The following BIRC6 variants were observed in gnomAD, a reference collection of about 807,000 sequenced individuals.
BIRC6 encodes the protein dual E2 ubiquitin-conjugating enzyme/E3 ubiquitin-protein ligase BIRC6.
Under a neutral mutation model 503.3 loss-of-function variants are expected in BIRC6, and 98 were observed. The ratio of observed to expected loss-of-function variants is 0.19; its 90% CI spans 0.17 to 0.23. The LOEUF is 0.23. BIRC6 is among the 10% of genes least tolerant of loss of function. The pLI is 1.00. For missense variants in BIRC6, 5,360 were observed against 5,806.0 expected (o/e 0.92, Z 2.50); for synonymous variants, 2,240 against 2,078.7 (o/e 1.08, Z -2.11).
chr2:32,370,262 G>A (rs1340905664), intron 1 of BIRC6, among the ~76,000 whole-genome samples: 2 of 151,638 alleles, frequency 1.3e-5, no homozygotes, highest in African/African-American at 2.4e-5. Flanking sequence ...TAAATTTTTC[G>A]TGGTGATTAT....
chr2:32,464,714 T>C lies in BIRC6; in HGVS notation c.5147T>C (p.Val1716Ala). The change falls in exon 25 of 74, where the codon GTT (valine) becomes GCT (alanine). Residue 1716 changes from valine to alanine, a missense_variant. This residue lies in a region of BIRC6 where 2,299 missense variants were observed against 2,267.2 expected (regional missense o/e 1.01). Transcript: ENST00000421745. ...CCACTCACTCCACCCAATGAAGCAG[T>C]TTCCGTTGTGATTAATGCCGAACTT... is the stretch of plus-strand genomic sequence containing the variant. ...TPPLTPPNEA[V>A]SVVINAELAQ... 2 of 1,614,004 alleles carry C rather than the reference T, an allele frequency of 1.2e-6. No homozygotes were observed. Among genetic ancestry groups the C allele is most frequent in the Non-Finnish European group, 1.7e-6 (2 of 1,179,880 alleles).
At chr2:32,430,826 TCC>T in intron 11 of BIRC6, 37 bp from the exon 12 acceptor site, 5 of 939,266 alleles carry the variant, frequency 5.3e-6, no homozygotes, top group East Asian at 2.5e-5. Flanking sequence ...TTTTTTTTTT[TCC>T]ACACCTATTT....
intron 21 of BIRC6, among the ~76,000 whole-genome samples, chr2:32,446,085 A>G (rs1417054407): frequency 1.3e-5 from 2 of 151,716 alleles, no homozygotes; most frequent in East Asian, 3.9e-4. Flanking sequence ...CAAACTCCCA[A>G]CCTCAGTTGA....
At position 32,464,503 on chromosome 2, in the gene BIRC6, T is replaced by C; in HGVS notation, c.4942-6T>C. On this transcript the variant is annotated splice_polypyrimidine_tract_variant and splice_region_variant and intron_variant, in intron 24 of 73. Coordinates refer to ENST00000421745, the MANE Select transcript of BIRC6 (RefSeq NM_016252.4). ...TCTATATATGTTGCTTTTACTTCTT[T>C]TGCAGAAAGCAAAGCTGGAAGCCAA... 2 of 1,554,320 alleles carry C rather than the reference T, an allele frequency of 1.3e-6. No individual in the cohort carries two copies. The highest frequency in any genetic ancestry group is 1.7e-6 in the Non-Finnish European group (2 of 1,147,912).
At chr2:32,517,779 A>G in intron 55 of BIRC6, among the ~76,000 whole-genome samples, 1 of 151,548 alleles carries the variant, frequency 6.6e-6, no homozygotes. Context: ...GACAGGTTTC[A>G]CCACGTTGCC....
In BIRC6 at chr2:32,611,528, C is replaced by T; in HGVS notation, c.14340C>T (p.Tyr4780=). ...AGTGGATTGCGGATATCCAGCAGTA[C>T]AGCAGTGATAAGCGGGTAGGCAGGA... The part of the protein sequence containing the change: ...CEEWIADIQQ[Y]SSDKRVGRTM... The change falls in exon 73 of 74, where the codon TAC becomes TAT. Residue 4780 remains tyrosine (Y), a synonymous_variant. Transcript: ENST00000421745. The T allele has an allele frequency of 6.2e-7, 1 of 1,606,484 alleles. No individual in the cohort carries two copies. The highest frequency in any genetic ancestry group is 1.1e-5 in the South Asian group (1 of 90,108).
At position 32,549,452 on chromosome 2, in the gene BIRC6, C is replaced by T; in HGVS notation, c.13115C>T (p.Ala4372Val). 6.9e-7 allele frequency: 1 copy of T among 1,458,522 alleles called. No homozygotes were observed. The highest frequency in any genetic ancestry group is 1.6e-5 in the South Asian group (1 of 63,732). 90.3% of individuals were successfully genotyped at this position (1,458,522 alleles called of 1,614,324 possible). The change falls in exon 65 of 74, where the codon GCC becomes GTC. Residue 4372 changes from alanine (A) to valine (V), a missense_variant. Ala to Val is a moderately conservative substitution (Grantham distance 64). Transcript: ENST00000421745. ...ELLSQSCLIP[A>V]MSSYLRNDSV... The stretch of plus-strand genomic sequence containing the variant: ...CTCAGTCAGTCCTGCCTCATCCCAG[C>T]CATGTCATCTTATCTACGAAATGAT...
intron 6 of BIRC6, among the ~76,000 whole-genome samples, chr2:32,397,612 G>GTGTGTATATATATA (rs1333509293): frequency 7.6e-6 from 1 of 130,860 alleles, no homozygotes; most frequent in African/African-American, 2.8e-5. Context: ...GTGTATATAT[G>GTGTGTATATATATA]TGTGTATATA....
At position 32,468,089 on chromosome 2, in the gene BIRC6, T is replaced by A; in HGVS notation, c.5758T>A (p.Leu1920Met). ...IDQHLAMMVA[L>M]QEDIQCRYNL... The stretch of plus-strand genomic sequence containing the variant: ...CCAGCATTTAGCAATGATGGTTGCT[T>A]TGCAGGAGGATATACAGTGCAGGTT... Residue 1920 changes from leucine to methionine, a missense_variant, in exon 28 of 74, where the codon TTG (leucine) becomes ATG (methionine). This residue lies in a region of BIRC6 where 2,299 missense variants were observed against 2,267.2 expected (regional missense o/e 1.01). Coordinates refer to ENST00000421745, the MANE Select transcript of BIRC6 (RefSeq NM_016252.4). 6.2e-7 allele frequency: 1 copy of A among 1,613,942 alleles called. No individual in the cohort carries two copies. Among genetic ancestry groups the A allele is most frequent in the Non-Finnish European group, 8.5e-7 (1 of 1,179,858 alleles).
At chr2:32,432,790 G>A (rs972656014) in intron 12 of BIRC6, among the ~76,000 whole-genome samples, 8 of 151,616 alleles carry the variant, frequency 5.3e-5, no homozygotes, top group Non-Finnish European at 8.8e-5. Flanking sequence ...TTCATGCTAC[G>A]TGAGATGGGA....
At position 32,425,697 on chromosome 2, in the gene BIRC6, G is replaced by A. The variant is rs553510080; in HGVS notation, c.2873-3449G>A. On this transcript the variant is annotated intron_variant, in intron 10 of 73. Transcript: ENST00000421745. ...GAGTTCTATCTCTTTAAATCTTCCT[G>A]TAGATCCTGTTTCGGCTTTGTCCCC... Among the ~76,000 whole-genome samples, 120 of 152,262 alleles carry A rather than the reference G, an allele frequency of 7.9e-4. 1 individual carries two copies. Among genetic ancestry groups the A allele is most frequent in the African/African-American group, 2.8e-3 (116 of 41,558 alleles).
chr2:32,539,783 G>A (rs2057516278), intron 61 of BIRC6, among the ~76,000 whole-genome samples: 2 of 151,828 alleles, frequency 1.3e-5, no homozygotes, highest in African/African-American at 4.8e-5. Context: ...AAAATCAGAA[G>A]CAAGGAATTA....
At chr2:32,529,863 A>T in intron 60 of BIRC6, 39 bp downstream of exon 60, 2 of 1,339,616 alleles carry the variant, frequency 1.5e-6, no homozygotes, top group Non-Finnish European at 2.0e-6. Context: ...ACAGACTGTC[A>T]TACAAAGAGG....
At chr2:32,436,886 CTTTTTTTTTT>C (rs35067044) in intron 15 of BIRC6, among the ~76,000 whole-genome samples, 1 of 90,078 alleles carries the variant, frequency 1.1e-5, no homozygotes, top group Non-Finnish European at 2.1e-5. Context: ...TTTGTTTTTT[CTTTTTTTTTT>C]TTTTTTTTTT....
At position 32,475,422 on chromosome 2, in the gene BIRC6, T is replaced by C. The variant is rs543862247; in HGVS notation, c.6721-791T>C. Among the ~76,000 whole-genome samples the C allele has an allele frequency of 2.0e-5, 3 of 152,208 alleles. No homozygotes were observed. In the South Asian group the frequency reaches 6.2e-4, roughly 32 times the overall value. ...TGTTGTCGACTGCTGATTGCTGTTG[T>C]TTAGGGATGGGGGAGATAGGATAGG... is the stretch of plus-strand genomic sequence containing the variant. On this transcript the variant is annotated intron_variant, in intron 33 of 73. Coordinates refer to ENST00000421745, the MANE Select transcript of BIRC6 (RefSeq NM_016252.4).
intron 3 of BIRC6, among the ~76,000 whole-genome samples, chr2:32,388,050 T>C (rs1447185994): frequency 6.6e-6 from 1 of 152,140 alleles, no homozygotes; most frequent in East Asian, 1.9e-4. Flanking sequence ...CATTTCTTTG[T>C]GATGAGAATG....
chr2:32,599,863 G>A lies in BIRC6; in HGVS notation c.13955G>A (p.Ser4652Asn). 1 of 1,613,902 alleles carries A rather than the reference G, an allele frequency of 6.2e-7. No homozygotes were observed. Among genetic ancestry groups the A allele is most frequent in the Non-Finnish European group, 8.5e-7 (1 of 1,179,850 alleles). The change falls in exon 70 of 74, where the codon AGC (serine) becomes AAC (asparagine). Residue 4652 changes from serine to asparagine, a missense_variant. Transcript: ENST00000421745. ...LVNLETTGGH[S>N]VRFNPNLYND... is the part of the protein sequence containing the mutation. ...AATCTAGAGACAACTGGTGGTCATA[G>A]CGTGCGATTCAATCCAAACCTTTAT...
rs780367597 is a variant in BIRC6, at chr2:32,435,518, A to G, written c.3432A>G (p.Gln1144=). The G allele has an allele frequency of 2.6e-6, 4 of 1,554,402 alleles. No individual in the cohort carries two copies. Among genetic ancestry groups the G allele is most frequent in the South Asian group, 1.2e-5 (1 of 84,212 alleles). The stretch of plus-strand genomic sequence containing the variant: ...CAGCTCTTAACATTGAAGTGGAACA[A>G]AATGGGAAACCGTCCCTGGTTGATT... ...KVNALNIEVE[Q]NGKPSLVDLN... is the part of the protein sequence containing the mutation. Residue 1144 remains glutamine (Q), a synonymous_variant, in exon 14 of 74, where the codon CAA becomes CAG. Coordinates refer to ENST00000421745, the MANE Select transcript of BIRC6 (RefSeq NM_016252.4).
intron 1 of BIRC6, among the ~76,000 whole-genome samples, chr2:32,358,628 C>T (rs1381028291): frequency 6.6e-6 from 1 of 152,110 alleles, no homozygotes; most frequent in East Asian, 1.9e-4. Context: ...TGTATTTTAA[C>T]GTAGACGAAC....
Sources: allele counts gnomAD v4.1 joint callset (sites outside exome capture counted in the v4.1 genomes callset), GRCh38; gene constraint gnomAD v4.1.1; regional missense constraint gnomAD v4.1.1; transcripts MANE v1.5; gene names NCBI Gene and HGNC (gene_info 2026-07-23, HGNC 2026-07-21).